Variants in USP54 observed in about 807,000 individuals in gnomAD.
The protein encoded by USP54 is ubiquitin specific peptidase 54.
A neutral mutation model predicts 170.5 loss-of-function variants in USP54; 87 were observed. The observed-to-expected ratio is 0.51, with a 90% CI of 0.43 to 0.61. The LOEUF (loss-of-function observed/expected upper bound fraction) is 0.61. USP54 is among the 20% of genes least tolerant of loss of function. The probability of loss-of-function intolerance (pLI) is 0.00; values close to 1 mark genes in which losing one functional copy is unlikely to be tolerated. For missense variants in USP54, 1,786 were observed against 2,047.8 expected, an observed-to-expected ratio of 0.87 and a Z score of 2.47; for synonymous variants, 655 against 742.8, an observed-to-expected ratio of 0.88 and a Z score of 1.92.
intron 1 of USP54, among the ~76,000 whole-genome samples, chr10:73,600,342 G>T (rs2079071023): frequency 6.6e-6 from 1 of 152,050 alleles, no homozygotes; most frequent in African/African-American, 2.4e-5. Context: ...GGGAAGTGGG[G>T]GTAGCTATAA....
rs2074522552 is a variant in USP54 at position 73,569,294 on chromosome 10, T to G, written c.240+2127A>C. Among the ~76,000 whole-genome samples the G allele has an allele frequency of 1.3e-5, 2 of 152,226 alleles. 1 individual carries two copies. The highest frequency in any genetic ancestry group is 1.3e-4 in the Admixed American group (2 of 15,268). ...TGGACTTACCATGGGACTACTGTAT[T>G]TCTTGTTTATCTAAAATTAGATACT... On this transcript the variant is annotated intron_variant, in intron 4 of 23. Transcript: ENST00000687698.
chr10:73,614,561 CAAAAAA>C (rs60519884), intron 1 of USP54, among the ~76,000 whole-genome samples: 1 of 50,244 alleles, frequency 2.0e-5, no homozygotes, highest in Non-Finnish European at 4.1e-5. Context: ...ACTCCGTCTC[CAAAAAA>C]AAAAAAAAAA....
intron 20 of USP54, chr10:73,515,742 C>G (rs567972668): frequency 6.6e-6 from 1 of 151,498 alleles, no homozygotes; most frequent in South Asian, 2.1e-4. Context: ...CCATTTCATG[C>G]TGTCATGCTG....
chr10:73,543,010 G>T lies in USP54; in HGVS notation c.489+8C>A. On this transcript the variant is annotated splice_region_variant and intron_variant, in intron 6 of 23. Transcript: ENST00000687698. ...AAATGTCTAAAAAAAGATGGAGCTA[G>T]AGTTCACCTGCTCAAACAATGTCAT... 5.6e-6 allele frequency: 9 copies of T among 1,612,880 alleles called. No homozygotes were observed. Among genetic ancestry groups the T allele is most frequent in the Non-Finnish European group, 7.6e-6 (9 of 1,178,832 alleles).
intron 22 of USP54, among the ~76,000 whole-genome samples, chr10:73,504,018 G>A (rs943597733): frequency 3.3e-5 from 5 of 152,168 alleles, no homozygotes; most frequent in Admixed American, 2.0e-4. Context: ...GCCTGGCCTC[G>A]GCTGATTTTT....
intron 4 of USP54, among the ~76,000 whole-genome samples, chr10:73,570,038 T>C (rs575694915): frequency 1.3e-5 from 2 of 151,324 alleles, no homozygotes; most frequent in African/African-American, 4.8e-5. Context: ...TTACAGTTCC[T>C]ATTTCAGGAT....
intron 20 of USP54, among the ~76,000 whole-genome samples, chr10:73,507,753 T>G (rs1361850944): frequency 6.7e-6 from 1 of 148,486 alleles, no homozygotes; most frequent in Non-Finnish European, 1.5e-5. Flanking sequence ...TTTGGGAGAC[T>G]GAGGCAGTAG....
chr10:73,607,250 T>C (rs2079726039), intron 1 of USP54, among the ~76,000 whole-genome samples: 3 of 149,298 alleles, frequency 2.0e-5, no homozygotes, highest in Non-Finnish European at 4.4e-5. Flanking sequence ...TGAGCCATAA[T>C]CCTGCCATTG....
At chr10:73,561,629 T>C (rs1394193097) in intron 4 of USP54, among the ~76,000 whole-genome samples, 1 of 152,184 alleles carries the variant, frequency 6.6e-6, no homozygotes, top group East Asian at 1.9e-4. Context: ...AAGTGCATTG[T>C]TATCACAGTT....
Position 73,529,879 on chromosome 10 carries a change from G to A in USP54, c.1861C>T (p.Pro621Ser). The A allele has an allele frequency of 6.5e-7, 1 of 1,545,864 alleles. No individual in the cohort carries two copies. Among genetic ancestry groups the A allele is most frequent in the Non-Finnish European group, 8.7e-7 (1 of 1,148,406 alleles). ...CCAAATTTAATGTCGTAAGAAGGTG[G>A]CTTGCTTGGTTCATCTGGTATAAAT... ...KEFIPDEPSK[P>S]PSYDIKFGGP... is the part of the protein sequence containing the mutation. The change falls in exon 15 of 24, where the codon CCA becomes TCA. Residue 621 changes from proline to serine, a missense_variant. By Grantham distance (74) the Pro-to-Ser change is moderately conservative. Around this residue, in one of 3 missense-constraint regions of USP54, gnomAD observed 1,418 missense variants for 1,569.0 expected, o/e 0.90. Coordinates refer to ENST00000687698, the MANE Select transcript of USP54 (RefSeq NM_001391956.1).
chr10:73,513,533 A>C (rs997859700), intron 20 of USP54: 4 of 152,188 alleles, frequency 2.6e-5, no homozygotes, highest in Non-Finnish European at 4.4e-5. Context: ...AATAAATTAC[A>C]GTACATTCAT....
At chr10:73,516,230 G>A in intron 20 of USP54, 145 bp downstream of exon 20, 1 of 934,836 alleles carries the variant, frequency 1.1e-6, no homozygotes, top group Non-Finnish European at 1.6e-6. Flanking sequence ...TTGTCCTGAA[G>A]GCTTTCTGAG....
intron 9 of USP54, among the ~76,000 whole-genome samples, 187 bp downstream of exon 9, chr10:73,541,188 A>G (rs568185923): frequency 7.2e-5 from 11 of 152,282 alleles, no homozygotes; most frequent in African/African-American, 2.4e-4. Flanking sequence ...ACTCTTTGCC[A>G]CCTATAAAAG....
chr10:73,511,531 A>G (rs2060209070), intron 20 of USP54, among the ~76,000 whole-genome samples: 1 of 150,690 alleles, frequency 6.6e-6, no homozygotes, highest in South Asian at 2.1e-4. Flanking sequence ...GTGGTGGCAC[A>G]TGCCTGTAAT....
intron 4 of USP54, among the ~76,000 whole-genome samples, chr10:73,546,824 A>G (rs1015941233): frequency 2.0e-5 from 3 of 152,186 alleles, no homozygotes; most frequent in Non-Finnish European, 4.4e-5. Flanking sequence ...TTACTGACAG[A>G]CATTTTGGCT....
Position 73,606,175 on chromosome 10 carries a change from C to CAAAAAAAAAAAAAAAAA in USP54, c.-18+19375_-18+19391dup, listed in dbSNP as rs1178699732. The stretch of plus-strand genomic sequence containing the variant: ...CCTGGGCGACAGAGTGAGGCTGTCT[C>CAAAAAAAAAAAAAAAAA]AAAAAAAAAAAAAAAAAAAAAAAAA... On this transcript the variant is annotated intron_variant, in intron 1 of 22. Coordinates refer to the USP54 transcript ENST00000339859. Among the ~76,000 whole-genome samples the CAAAAAAAAAAAAAAAAA allele has an allele frequency of 5.5e-4, 14 of 25,622 alleles. 1 individual carries two copies. Among genetic ancestry groups the CAAAAAAAAAAAAAAAAA allele is most frequent in the East Asian group, 2.9e-3 (3 of 1,018 alleles). 16.8% of individuals were successfully genotyped at this position (25,622 alleles called of 152,430 possible).
At chr10:73,541,858 C>T in intron 7 of USP54, 120 bp from the exon 8 acceptor site, 2 of 936,934 alleles carry the variant, frequency 2.1e-6, no homozygotes, top group Non-Finnish European at 3.2e-6. Flanking sequence ...TATACCAAAG[C>T]CCCTGACCAG....
At chr10:73,527,503 A>G (rs2133372836) in intron 15 of USP54, among the ~76,000 whole-genome samples, 1 of 150,992 alleles carries the variant, frequency 6.6e-6, no homozygotes, top group Non-Finnish European at 1.5e-5. Context: ...CATCTCAAAA[A>G]AAAAAAAAAA....
Position 73,517,640 on chromosome 10 carries a change from C to T in USP54, c.2786G>A (p.Cys929Tyr). Reference protein sequence around the residue: ...ASSFFHSPASCHESHSSLSPE... With the variant: ...ASSFFHSPASYHESHSSLSPE... ...AGATAGTGATGAGTGTGACTCATGGCAGGAAGCAGGTGAATGGAAGAAAGA... is the reference window on the plus strand; with the variant it reads ...AGATAGTGATGAGTGTGACTCATGGTAGGAAGCAGGTGAATGGAAGAAAGA... Residue 929 changes from cysteine (C) to tyrosine (Y), a missense_variant, in exon 20 of 24, where the codon TGC (cysteine) becomes TAC (tyrosine). Cys to Tyr is a radical substitution (Grantham distance 194, BLOSUM62 -2). Coordinates refer to ENST00000687698, the MANE Select transcript of USP54 (RefSeq NM_001391956.1). 6.2e-7 allele frequency: 1 copy of T among 1,614,172 alleles called. No homozygotes were observed. Among genetic ancestry groups the T allele is most frequent in the South Asian group, 1.1e-5 (1 of 91,068 alleles).
Sources: gnomAD v4.1 joint callset for allele counts (sites outside exome capture counted in the v4.1 genomes callset) on GRCh38, gnomAD v4.1.1 for gene constraint, gnomAD v4.1.1 regional missense constraint, MANE v1.5 for transcripts, NCBI Gene and HGNC (gene_info 2026-07-23, HGNC 2026-07-21) for gene names.